Variants in SPNS2 observed in about 807,000 individuals in gnomAD.
The protein encoded by SPNS2 is SPNS lysolipid transporter 2, sphingosine-1-phosphate, also known as sphingosine-1-phosphate transporter SPNS2.
In SPNS2, 37 loss-of-function variants were observed where a neutral mutation model predicts 57.6. That is an observed-to-expected ratio of 0.64 (90% CI 0.49 to 0.85). SPNS2 has a LOEUF of 0.85. Ranked by LOEUF, SPNS2 falls within the 40% of genes least tolerant of loss-of-function variation. The pLI, the probability that SPNS2 is intolerant of heterozygous loss-of-function variation, is 0.00. For synonymous variants in SPNS2, 440 were observed against 346.9 expected, an observed-to-expected ratio of 1.27 and a Z score of -2.98; for missense variants, 831 against 779.1, an observed-to-expected ratio of 1.07 and a Z score of -0.79.
Position 4,533,844 on chromosome 17 carries a change from C to G in SPNS2, c.1335C>G (p.Asp445Glu), listed in dbSNP as rs949824735. ...TTTCTAACTGGGCCATCACTGCAGA[C>G]ATCCTCATGGTGAGCCAGGCAGGCC... ...LLFSNWAITA[D>E]ILMYVVIPTR... The change falls in exon 9 of 13, where the codon GAC becomes GAG. Residue 445 changes from aspartate (D) to glutamate (E), a missense_variant. By Grantham distance (45) the Asp-to-Glu change is conservative. Transcript: ENST00000329078. 4.3e-6 allele frequency: 7 copies of G among 1,610,132 alleles called. No homozygotes were observed. The highest frequency in any genetic ancestry group is 3.3e-4 in the Middle Eastern group (2 of 6,048).
At chr17:4,529,041 A>C (rs1332021721) in intron 3 of SPNS2, among the ~76,000 whole-genome samples, 4 of 149,824 alleles carry the variant, frequency 2.7e-5, no homozygotes, top group African/African-American at 9.8e-5. Context: ...AGTTCAAGCA[A>C]CTCTCTGCCT....
At chr17:4,535,996 A>C (rs2144381563) in intron 9 of SPNS2, 80 bp from the exon 10 acceptor site, 2 of 1,238,514 alleles carry the variant, frequency 1.6e-6, no homozygotes, top group Non-Finnish European at 2.3e-6. Context: ...TGGGGGCTTC[A>C]GAAGTGCCAC....
rs931561712 is a variant in SPNS2 at position 4,537,920 on chromosome 17, G to C, written c.*472G>C. 11 of 401,370 alleles carry C rather than the reference G, an allele frequency of 2.7e-5. No individual in the cohort carries two copies. Among genetic ancestry groups the C allele is most frequent in the African/African-American group, 2.3e-4 (11 of 48,540 alleles). The allele number at this position is 401,370 out of a possible 1,614,324, so 24.9% of individuals were successfully genotyped here. A position where few individuals can be genotyped will look rare whatever the true frequency, so the allele number is the denominator to read the frequency against. ...GGAGAGCAGGTGGCCCAGGCCTCAG[G>C]GCGGCAGTCCCGGCTTTGAGGCTCA... On this transcript the variant is annotated 3_prime_UTR_variant, in exon 13 of 13. Transcript: ENST00000329078.
At chr17:4,514,270 A>T (rs1172002501) in intron 2 of SPNS2, among the ~76,000 whole-genome samples, 2 of 152,138 alleles carry the variant, frequency 1.3e-5, no homozygotes, top group Non-Finnish European at 2.9e-5. Flanking sequence ...CCTGGAGTCC[A>T]TCTGGCTGTG....
At chr17:4,534,870 G>C (rs1465962381) in intron 9 of SPNS2, among the ~76,000 whole-genome samples, 1 of 152,104 alleles carries the variant, frequency 6.6e-6, no homozygotes, top group Non-Finnish European at 1.5e-5. Context: ...CCCCTCTCCT[G>C]CCTCCACCCC....
rs534544430 is a variant in SPNS2, at chr17:4,510,381, G to A, written c.371-2866G>A. ...TCCCAGAGACCTTAGACGCCCATCTGGATGTGGAGGAATGTTCTCCCTCTA... is the reference window on the plus strand; with the variant it reads ...TCCCAGAGACCTTAGACGCCCATCTAGATGTGGAGGAATGTTCTCCCTCTA... On this transcript the variant is annotated intron_variant, in intron 1 of 12. Transcript: ENST00000329078. The surrounding 1 kb of genome is among the most constrained non-coding windows in gnomAD (Gnocchi z 4.4). 3.3e-5 allele frequency among the ~76,000 whole-genome samples: 5 copies of A among 152,260 alleles called. No individual in the cohort carries two copies. In the South Asian group the frequency reaches 1.0e-3, roughly 32 times the overall value.
At chr17:4,507,766 G>A (rs139133002) in intron 1 of SPNS2, among the ~76,000 whole-genome samples, 66 of 152,344 alleles carry the variant, frequency 4.3e-4, no homozygotes, top group African/African-American at 1.5e-3. Flanking sequence ...GGGGGTACGC[G>A]GGGACAAGCT....
intron 3 of SPNS2, among the ~76,000 whole-genome samples, chr17:4,529,879 C>G (rs78604908): frequency 5.3e-5 from 8 of 151,972 alleles, no homozygotes; most frequent in Non-Finnish European, 1.0e-4. Context: ...AAGCCAGGAG[C>G]GAGGTGAGCA....
At chr17:4,528,962 A>G (rs1422844178) in intron 3 of SPNS2, among the ~76,000 whole-genome samples, 2 of 148,950 alleles carry the variant, frequency 1.3e-5, no homozygotes, top group East Asian at 4.0e-4. Flanking sequence ...TTTGAAATGG[A>G]GTCTTGCTCT....
At chr17:4,537,360 C>A (rs116954248) in intron 12 of SPNS2, 93 bp from the exon 13 acceptor site, 13 of 394,264 alleles carry the variant, frequency 3.3e-5, no homozygotes, top group Middle Eastern at 3.6e-4. Context: ...AGAAGGCTTG[C>A]GTCTCCAAAC....
intron 1 of SPNS2, among the ~76,000 whole-genome samples, chr17:4,501,847 G>A (rs1227792765): frequency 6.6e-6 from 1 of 152,060 alleles, no homozygotes; most frequent in Admixed American, 6.6e-5. Context: ...CCTGGCCCCA[G>A]CTCCCCACCA....
chr17:4,538,039 G>A lies in SPNS2; in HGVS notation c.*591G>A, dbSNP rs566455770. 5.7e-6 allele frequency: 2 copies of A among 351,676 alleles called. No homozygotes were observed. The highest frequency in any genetic ancestry group is 2.1e-5 in the African/African-American group (1 of 46,788). 21.8% of individuals were successfully genotyped at this position (351,676 alleles called of 1,614,324 possible). A position where few individuals can be genotyped will look rare whatever the true frequency, so the allele number is the denominator to read the frequency against. ...CTGGCAAATGAAGCTGGGCGCCCAA[G>A]TCTCTGGGTACTCCCTGGAGGACAC... On this transcript the variant is annotated 3_prime_UTR_variant, in exon 13 of 13. Coordinates refer to ENST00000329078, the MANE Select transcript of SPNS2 (RefSeq NM_001124758.3).
chr17:4,538,722 C>G lies in SPNS2; in HGVS notation c.*1274C>G. The G allele has an allele frequency of 1.5e-6, 1 of 649,728 alleles. No homozygotes were observed. Among genetic ancestry groups the G allele is most frequent in the Non-Finnish European group, 2.7e-6 (1 of 365,316 alleles). The allele number at this position is 649,728 out of a possible 1,614,324, so 40.2% of individuals were successfully genotyped here. On this transcript the variant is annotated 3_prime_UTR_variant, in exon 13 of 13. Coordinates refer to ENST00000329078, the MANE Select transcript of SPNS2 (RefSeq NM_001124758.3). Reference sequence around the variant, plus strand: ...TTCTTGCCCCTTAGTTACTGGCTGGCTGTGGCTTCAGTGGTGTGTAAGCAG... The same window carrying G: ...TTCTTGCCCCTTAGTTACTGGCTGGGTGTGGCTTCAGTGGTGTGTAAGCAG...
chr17:4,524,148 C>T (rs1201574565), intron 2 of SPNS2, among the ~76,000 whole-genome samples: 1 of 152,176 alleles, frequency 6.6e-6, no homozygotes, highest in Non-Finnish European at 1.5e-5. Context: ...GCCTGATTTG[C>T]TGTGTGACCT....
chr17:4,524,412 C>T (rs1178484085), intron 2 of SPNS2, among the ~76,000 whole-genome samples: 1 of 152,190 alleles, frequency 6.6e-6, no homozygotes, highest in East Asian at 1.9e-4. Context: ...TGGCTGGGCG[C>T]GGTGGCTCAC....
intron 5 of SPNS2, among the ~76,000 whole-genome samples, chr17:4,531,565 CCAGGACAGCG>C (rs1409309073): frequency 2.0e-5 from 3 of 152,130 alleles, no homozygotes; most frequent in Non-Finnish European, 2.9e-5. Context: ...TACCAAGGCC[CCAGGACAGCG>C]CAATCGGAGG....
intron 1 of SPNS2, among the ~76,000 whole-genome samples, chr17:4,500,578 C>G (rs1014649819): frequency 4.1e-5 from 6 of 147,272 alleles, no homozygotes; most frequent in Non-Finnish European, 9.2e-5. Flanking sequence ...CTGGAGCTAT[C>G]AAACACACAC....
chr17:4,531,195 C>T (rs1223494190), intron 5 of SPNS2, 76 bp downstream of exon 5: 59 of 1,415,304 alleles, frequency 4.2e-5, no homozygotes, highest in Non-Finnish European at 5.6e-5. Flanking sequence ...AGATGTAATC[C>T]AGGCTAGGAC....
At chr17:4,532,861 C>T in intron 6 of SPNS2, 116 bp from the exon 7 acceptor site, 1 of 1,486,460 alleles carries the variant, frequency 6.7e-7, no homozygotes, top group South Asian at 1.3e-5. Flanking sequence ...GAACCCTCAC[C>T]CCTGGAGCCT....
Sources: gnomAD v4.1 joint callset for allele counts (sites outside exome capture counted in the v4.1 genomes callset) on GRCh38, gnomAD v4.1.1 for gene constraint, Gnocchi (gnomAD v3.1) non-coding constraint, MANE v1.5 for transcripts, NCBI Gene and HGNC (gene_info 2026-07-23, HGNC 2026-07-21) for gene names.